Variants in TRMT11 observed in about 807,000 individuals in gnomAD.
TRMT11 encodes tRNA (guanine(10)-N(2))-methyltransferase TRMT11.
TRMT11 carries 53 observed loss-of-function variants against 62.8 expected under a neutral mutation model. The ratio of observed to expected loss-of-function variants is 0.84; its 90% CI spans 0.68 to 1.06. The LOEUF is 1.06. TRMT11 is among the 50% of genes least tolerant of loss of function. TRMT11 has a pLI of 0.00. For missense variants in TRMT11, 556 were observed against 553.4 expected (o/e 1.00, Z -0.05); for synonymous variants, 188 against 190.3 (o/e 0.99, Z 0.10).
chr6:126,249,032 TGAGAAGG>T, the TRMT11 span, among the ~76,000 whole-genome samples: 1 of 152,084 alleles, frequency 6.6e-6, no homozygotes, highest in Non-Finnish European at 1.5e-5. Flanking sequence ...TTAAGAGTAT[TGAGAAGG>T]TGATCTGACA....
chr6:126,264,551 G>T, the TRMT11 span, among the ~76,000 whole-genome samples: 1 of 152,154 alleles, frequency 6.6e-6, no homozygotes, highest in Non-Finnish European at 1.5e-5. Flanking sequence ...ACAGATATTT[G>T]GTCAAGCATT....
At chr6:126,178,501 C>T (rs1239827008) in intron 1 of TRMT11, among the ~76,000 whole-genome samples, 3 of 152,200 alleles carry the variant, frequency 2.0e-5, no homozygotes, top group Non-Finnish European at 4.4e-5. Context: ...GGAAACATAG[C>T]TGTGACTATA....
chr6:126,046,539 G>C (rs995837255), intron 16 of TRMT11, among the ~76,000 whole-genome samples: 1 of 152,192 alleles, frequency 6.6e-6, no homozygotes, highest in Non-Finnish European at 1.5e-5. Flanking sequence ...TGGCTTTAAG[G>C]AGAAAGATGA....
intron 17 of TRMT11, among the ~76,000 whole-genome samples, chr6:126,073,830 G>A (rs1183608857): frequency 6.6e-6 from 1 of 152,082 alleles, no homozygotes; most frequent in Non-Finnish European, 1.5e-5. Flanking sequence ...AATATGTTTA[G>A]TTGACTCACA....
intron 21 of TRMT11, among the ~76,000 whole-genome samples, chr6:126,147,436 C>T (rs1356131727): frequency 1.3e-5 from 2 of 151,900 alleles, no homozygotes; most frequent in East Asian, 3.8e-4. Flanking sequence ...GCTGTGTTTG[C>T]AGAAGTGCTT....
chr6:126,238,196 G>A, the TRMT11 span, among the ~76,000 whole-genome samples: 33 of 152,096 alleles, frequency 2.2e-4, no homozygotes, highest in African/African-American at 7.0e-4. Context: ...AGGGTTTTTT[G>A]TGTCTCTATC....
the TRMT11 span, among the ~76,000 whole-genome samples, chr6:126,265,095 C>G: frequency 5.3e-5 from 8 of 152,080 alleles, no homozygotes; most frequent in Non-Finnish European, 1.0e-4. Context: ...TGTATATTCA[C>G]ATTTATGTTC....
upstream of TRMT11, among the ~76,000 whole-genome samples, chr6:126,176,582 A>G (rs1452243577): frequency 6.6e-6 from 1 of 152,184 alleles, no homozygotes; most frequent in Admixed American, 6.5e-5. Context: ...AGGAACCCAG[A>G]CAATGGCCTT....
chr6:126,031,033 C>G (rs1438900224), intron 12 of TRMT11, among the ~76,000 whole-genome samples: 2 of 151,904 alleles, frequency 1.3e-5, no homozygotes, highest in African/African-American at 2.4e-5. Context: ...CGAGTAGGAG[C>G]CAGTTTGTAG....
chr6:126,154,339 A>ATGTGTG (rs66827988), intron 21 of TRMT11, among the ~76,000 whole-genome samples: 6 of 122,848 alleles, frequency 4.9e-5, no homozygotes, highest in African/African-American at 1.4e-4. Context: ...GTGTGTGTGT[A>ATGTGTG]TGTGTGTGTG....
the TRMT11 span, among the ~76,000 whole-genome samples, chr6:126,247,427 T>G: frequency 6.8e-6 from 1 of 146,900 alleles, no homozygotes; most frequent in Non-Finnish European, 1.5e-5. Context: ...AACAGATAAT[T>G]TAGGACACAG....
At chr6:126,074,079 T>C (rs1364990529) in intron 17 of TRMT11, among the ~76,000 whole-genome samples, 2 of 152,206 alleles carry the variant, frequency 1.3e-5, no homozygotes, top group Admixed American at 1.3e-4. Context: ...TTATGGAAAC[T>C]ACAGTTCCAG....
downstream of TRMT11, among the ~76,000 whole-genome samples, chr6:126,203,617 C>A (rs961904868): frequency 6.6e-6 from 1 of 152,146 alleles, no homozygotes; most frequent in Admixed American, 6.5e-5. Flanking sequence ...GTTAATTTAG[C>A]AATTCAGCCC....
chr6:126,254,210 G>C, the TRMT11 span, among the ~76,000 whole-genome samples: 3 of 152,140 alleles, frequency 2.0e-5, no homozygotes, highest in African/African-American at 4.8e-5. Flanking sequence ...TTCACCTATT[G>C]TGTTAAAGGA....
intron 1 of TRMT11, among the ~76,000 whole-genome samples, chr6:126,190,336 GTTCT>G (rs1433010334): frequency 1.3e-5 from 2 of 152,142 alleles, no homozygotes; most frequent in Non-Finnish European, 2.9e-5. Flanking sequence ...CTCCCATGCT[GTTCT>G]CGAGATAGGG....
chr6:126,171,902 T>G (rs1778333965), intron 21 of TRMT11, among the ~76,000 whole-genome samples: 1 of 152,020 alleles, frequency 6.6e-6, no homozygotes, highest in African/African-American at 2.4e-5. Context: ...GTATTTTTAG[T>G]AGAGAAAGGT....
At position 126,013,039 on chromosome 6, in the gene TRMT11, C is replaced by A. The variant is rs373898021; in HGVS notation, c.1077C>A (p.Phe359Leu). ...ATATGTTTCTTGACCTGTTAAACTT[C>A]GCAGCTGAGACCCTCGTTTTAGGTG... ...LSDMFLDLLN[F>L]AAETLVLGGR... Residue 359 changes from phenylalanine (F) to leucine (L), a missense_variant, in exon 11 of 13, where the codon TTC (phenylalanine) becomes TTA (leucine). Physicochemically the swap from Phe to Leu is conservative, Grantham distance 22. Coordinates refer to ENST00000334379, the MANE Select transcript of TRMT11 (RefSeq NM_001031712.3). The A allele has an allele frequency of 1.2e-6, 2 of 1,613,796 alleles. No individual in the cohort carries two copies. Among genetic ancestry groups the A allele is most frequent in the South Asian group, 1.1e-5 (1 of 91,066 alleles).
chr6:126,083,334 AG>A (rs1174173704), intron 17 of TRMT11, among the ~76,000 whole-genome samples: 4 of 152,134 alleles, frequency 2.6e-5, no homozygotes, highest in African/African-American at 9.7e-5. Flanking sequence ...CCTAAGCCTA[AG>A]CATTAATATC....
chr6:126,072,436 G>A (rs1236585874), intron 17 of TRMT11, among the ~76,000 whole-genome samples: 2 of 152,186 alleles, frequency 1.3e-5, no homozygotes, highest in African/African-American at 4.8e-5. Context: ...TCTTATCTTT[G>A]TGGATTCCAC....
Sources: allele counts gnomAD v4.1 joint callset (sites outside exome capture counted in the v4.1 genomes callset), GRCh38; gene constraint gnomAD v4.1.1; transcripts MANE v1.5; gene names NCBI Gene and HGNC (gene_info 2026-07-23, HGNC 2026-07-21).